Variants in PLAC8 observed in about 807,000 individuals in gnomAD.
The protein encoded by PLAC8 is placenta associated 8.
PLAC8 carries 6 observed loss-of-function variants against 12.6 expected under a neutral mutation model. The observed-to-expected ratio is 0.48, with a 90% confidence interval of 0.26 to 0.94. The LOEUF (loss-of-function observed/expected upper bound fraction) is 0.94, where lower values mean the gene tolerates loss of function less well. PLAC8 is among the 40% of genes least tolerant of loss of function. PLAC8 has a pLI of 0.14. For synonymous variants in PLAC8, 54 were observed against 52.6 expected (o/e 1.03, Z -0.11); for missense variants, 122 against 152.7 (o/e 0.80, Z 1.06).
At chr4:83,111,906 G>A (rs956477652) in intron 1 of PLAC8, among the ~76,000 whole-genome samples, 4 of 152,064 alleles carry the variant, frequency 2.6e-5, no homozygotes, top group African/African-American at 9.7e-5. Flanking sequence ...GTAAGCAGCT[G>A]TATCGGCTGG....
rs531669134 is a variant in PLAC8, at chr4:83,095,115, G to T, written c.244-324C>A. 3.9e-5 allele frequency among the ~76,000 whole-genome samples: 6 copies of T among 152,294 alleles called. No individual in the cohort carries two copies. The East Asian group carries it at 1.2e-3, about 29-fold the overall frequency. ...TCTCTGTCATAGGAAGCTAGTAGGGGATGTGTTCCACCAAAATGCGGGTGT... is the reference window on the plus strand; with the variant it reads ...TCTCTGTCATAGGAAGCTAGTAGGGTATGTGTTCCACCAAAATGCGGGTGT... On this transcript the variant is annotated intron_variant, in intron 3 of 4. Coordinates refer to ENST00000311507, the MANE Select transcript of PLAC8 (RefSeq NM_016619.3).
intron 4 of PLAC8, among the ~76,000 whole-genome samples, chr4:83,092,502 A>G (rs1416744480): frequency 2.6e-5 from 4 of 151,882 alleles, no homozygotes; most frequent in African/African-American, 9.7e-5. Flanking sequence ...CGGTCTCCCA[A>G]AGTGTTGGGA....
intron 2 of PLAC8, among the ~76,000 whole-genome samples, chr4:83,106,873 C>A (rs1353047984): frequency 1.3e-5 from 2 of 152,148 alleles, no homozygotes; most frequent in African/African-American, 2.4e-5. Flanking sequence ...TTAGAGACAT[C>A]TCTAAGTAAG....
chr4:83,101,251 G>C (rs1560454220), intron 3 of PLAC8, among the ~76,000 whole-genome samples: 1 of 152,108 alleles, frequency 6.6e-6, no homozygotes, highest in Non-Finnish European at 1.5e-5. Flanking sequence ...GTGGCGGCAC[G>C]GGCCTGTAAT....
rs545258276 is a variant in PLAC8, at chr4:83,101,501, G to A, written c.243+3395C>T. Among the ~76,000 whole-genome samples the A allele has an allele frequency of 1.1e-4, 16 of 152,362 alleles. No individual in the cohort carries two copies. The South Asian group carries it at 2.7e-3, about 26-fold the overall frequency. The stretch of plus-strand genomic sequence containing the variant: ...TCTCCGTAACATAAAAGCACAAGGC[G>A]AAGCAGCAAGTGCTGATGGAGAAGG... On this transcript the variant is annotated intron_variant, in intron 3 of 4. Coordinates refer to ENST00000311507, the MANE Select transcript of PLAC8 (RefSeq NM_016619.3).
chr4:83,093,402 T>C (rs1163427412), intron 4 of PLAC8: 1 of 152,318 alleles, frequency 6.6e-6, no homozygotes, highest in African/African-American at 2.4e-5. Context: ...TCCTTAAGGA[T>C]TCAGGTCACT....
intron 1 of PLAC8, among the ~76,000 whole-genome samples, chr4:83,109,015 G>C (rs753243583): frequency 2.0e-5 from 3 of 152,122 alleles, no homozygotes; most frequent in Admixed American, 6.5e-5. Flanking sequence ...AGTACATTTG[G>C]TAAGGTTACT....
At chr4:83,099,492 A>T (rs1253260845) in intron 3 of PLAC8, among the ~76,000 whole-genome samples, 2 of 152,084 alleles carry the variant, frequency 1.3e-5, no homozygotes, top group African/African-American at 4.8e-5. Context: ...GTTTGATGTT[A>T]CTATTTATTT....
intron 1 of PLAC8, among the ~76,000 whole-genome samples, chr4:83,112,506 G>T (rs1316968782): frequency 6.6e-6 from 1 of 152,086 alleles, no homozygotes; most frequent in African/African-American, 2.4e-5. Context: ...TTCCTTTCTA[G>T]CACAGATTAC....
intron 2 of PLAC8, among the ~76,000 whole-genome samples, chr4:83,105,856 G>A (rs575216376): frequency 2.0e-5 from 3 of 152,126 alleles, no homozygotes; most frequent in Non-Finnish European, 4.4e-5. Context: ...TTCTCACTTT[G>A]ATTTGCAGAT....
At chr4:83,098,956 T>C (rs976126026) in intron 3 of PLAC8, among the ~76,000 whole-genome samples, 4 of 152,122 alleles carry the variant, frequency 2.6e-5, no homozygotes, top group African/African-American at 9.7e-5. Flanking sequence ...ACAGGAAGCA[T>C]TGTCAAATAT....
At chr4:83,105,604 A>T (rs1448676891) in intron 2 of PLAC8, among the ~76,000 whole-genome samples, 1 of 152,244 alleles carries the variant, frequency 6.6e-6, no homozygotes, top group African/African-American at 2.4e-5. Context: ...GGGTTGAGGC[A>T]GGTTGGGGAC....
intron 1 of PLAC8, among the ~76,000 whole-genome samples, chr4:83,109,435 T>G (rs1263667122): frequency 1.3e-5 from 2 of 152,178 alleles, no homozygotes; most frequent in African/African-American, 4.8e-5. Context: ...CAAGATTTTC[T>G]GCAAAAGAAG....
At chr4:83,108,312 G>T (rs185692335) in intron 1 of PLAC8, among the ~76,000 whole-genome samples, 1 of 152,242 alleles carries the variant, frequency 6.6e-6, no homozygotes, top group Admixed American at 6.5e-5. Context: ...ACCGAACTGG[G>T]CCGGGCGCGG....
At chr4:83,103,631 C>G (rs780450460) in intron 3 of PLAC8, among the ~76,000 whole-genome samples, 2 of 152,092 alleles carry the variant, frequency 1.3e-5, no homozygotes, top group Non-Finnish European at 2.9e-5. Flanking sequence ...AATGGTCAAT[C>G]AATGAGGCAG....
At chr4:83,091,854 A>G (rs1028434000) in intron 4 of PLAC8, among the ~76,000 whole-genome samples, 23 of 152,046 alleles carry the variant, frequency 1.5e-4, no homozygotes, top group Non-Finnish European at 5.9e-5. Flanking sequence ...CAATTTTCAA[A>G]TTTTATTCAG....
At chr4:83,096,901 T>A (rs750679507) in intron 3 of PLAC8, among the ~76,000 whole-genome samples, 2 of 152,200 alleles carry the variant, frequency 1.3e-5, no homozygotes, top group Non-Finnish European at 2.9e-5. Context: ...GAGACTCTCA[T>A]GAAGATGGGC....
chr4:83,110,076 G>C (rs1246089598), intron 1 of PLAC8, among the ~76,000 whole-genome samples: 1 of 152,116 alleles, frequency 6.6e-6, no homozygotes, highest in Non-Finnish European at 1.5e-5. Context: ...CAGGCGCCAG[G>C]AGCCGCAAAG....
chr4:83,100,111 C>T (rs986295915), intron 3 of PLAC8, among the ~76,000 whole-genome samples: 4 of 151,652 alleles, frequency 2.6e-5, no homozygotes, highest in African/African-American at 9.7e-5. Context: ...GGAACCCCGT[C>T]TCTACTAAAA....
Sources: gnomAD v4.1 joint callset for allele counts (sites outside exome capture counted in the v4.1 genomes callset) on GRCh38, gnomAD v4.1.1 for gene constraint, MANE v1.5 for transcripts, NCBI Gene and HGNC (gene_info 2026-07-23, HGNC 2026-07-21) for gene names.